Variants in PPP2R2C observed in about 807,000 individuals in gnomAD.
PPP2R2C encodes protein phosphatase 2 regulatory subunit Bgamma.
PPP2R2C carries 10 observed loss-of-function variants against 45.3 expected under a neutral mutation model. That is an observed-to-expected ratio of 0.22 (90% CI 0.14 to 0.37). The LOEUF (loss-of-function observed/expected upper bound fraction) is 0.37, where lower values mean the gene tolerates loss of function less well. Among genes scored for constraint, PPP2R2C ranks in the 10% least tolerant of loss-of-function variants. The pLI, the probability that PPP2R2C is intolerant of heterozygous loss-of-function variation, is 1.00. For missense variants in PPP2R2C, 308 were observed against 619.7 expected (o/e 0.50, Z 5.34); for synonymous variants, 257 against 245.4 (o/e 1.05, Z -0.44).
intron 2 of PPP2R2C, among the ~76,000 whole-genome samples, chr4:6,523,837 G>A (rs146048667): frequency 3.3e-5 from 5 of 152,172 alleles, no homozygotes; most frequent in African/African-American, 7.2e-5. Flanking sequence ...ATCCACAGAC[G>A]AATGGATAAG....
At chr4:6,383,381 T>C (rs1317920122) in intron 1 of PPP2R2C, 2 of 1,289,728 alleles carry the variant, frequency 1.6e-6, no homozygotes. Flanking sequence ...TCTCGTGTTT[T>C]TAACTCAGCA....
intron 2 of PPP2R2C, among the ~76,000 whole-genome samples, chr4:6,480,597 T>C (rs1722317395): frequency 6.6e-6 from 1 of 152,236 alleles, no homozygotes; most frequent in Non-Finnish European, 1.5e-5. Flanking sequence ...CTAACCTTTT[T>C]GGATTTCAAA....
chr4:6,527,025 T>C (rs1407841955), intron 2 of PPP2R2C, among the ~76,000 whole-genome samples: 2 of 152,112 alleles, frequency 1.3e-5, no homozygotes, highest in Admixed American at 6.5e-5. Flanking sequence ...ACGGCTTCAA[T>C]GCGGAGGAGA....
chr4:6,502,402 G>A (rs1206120471), intron 2 of PPP2R2C, among the ~76,000 whole-genome samples: 2 of 152,110 alleles, frequency 1.3e-5, no homozygotes, highest in Non-Finnish European at 2.9e-5. Flanking sequence ...CAGGCAGGGT[G>A]TCTGAAGGAT....
In PPP2R2C at chr4:6,471,232, C is replaced by A. The variant is rs955419669; in HGVS notation, c.70+928G>T. Among the ~76,000 whole-genome samples, 1 of 152,234 alleles carries A rather than the reference C, an allele frequency of 6.6e-6. No homozygotes were observed. The highest frequency in any genetic ancestry group is 6.5e-5 in the Admixed American group (1 of 15,294). ...AGCCCGTGGGTTAGCGGCTGACAGT[C>A]CCCGCACTCGGGCAGGGCTCCAGCA... On this transcript the variant is annotated intron_variant, in intron 1 of 8. Coordinates refer to ENST00000382599, the MANE Select transcript of PPP2R2C (RefSeq NM_020416.4). The surrounding 1 kb of genome is among the most constrained non-coding windows in gnomAD (Gnocchi z 5.6).
intron 5 of PPP2R2C, chr4:6,350,080 G>C (rs1712401145): frequency 7.1e-6 from 7 of 985,328 alleles, no homozygotes; most frequent in Non-Finnish European, 8.4e-6. Context: ...AGAAAGAGAG[G>C]GAAAAATGAG....
At chr4:6,559,275 C>T (rs1330559505) in intron 1 of PPP2R2C, among the ~76,000 whole-genome samples, 9 of 151,978 alleles carry the variant, frequency 5.9e-5, no homozygotes, top group South Asian at 2.1e-4. Context: ...GCAGTGGGCA[C>T]GTCCACACCC....
At chr4:6,502,599 C>T (rs1414098958) in intron 2 of PPP2R2C, among the ~76,000 whole-genome samples, 1 of 151,908 alleles carries the variant, frequency 6.6e-6, no homozygotes, top group Non-Finnish European at 1.5e-5. Flanking sequence ...CCACACATGC[C>T]ACACCCAACC....
upstream of PPP2R2C, among the ~76,000 whole-genome samples, chr4:6,472,692 T>C (rs1721982524): frequency 6.6e-6 from 1 of 151,230 alleles, no homozygotes; most frequent in African/African-American, 2.4e-5. Context: ...CCCGCGGCCC[T>C]GCAGGTGGAG....
intron 1 of PPP2R2C, among the ~76,000 whole-genome samples, chr4:6,542,483 C>T (rs1009172390): frequency 2.0e-5 from 3 of 152,096 alleles, no homozygotes; most frequent in Admixed American, 6.5e-5. Context: ...CACCTGAAGT[C>T]AGGAGTTCAA....
chr4:6,527,137 T>TC (rs386399159), intron 2 of PPP2R2C, among the ~76,000 whole-genome samples: 1 of 151,948 alleles, frequency 6.6e-6, no homozygotes, highest in Non-Finnish European at 1.5e-5. Context: ...TCAGTTTTTT[T>TC]ATCTGTGCCA....
chr4:6,354,322 C>T (rs1445621287), intron 5 of PPP2R2C, among the ~76,000 whole-genome samples: 1 of 152,082 alleles, frequency 6.6e-6, no homozygotes, highest in African/African-American at 2.4e-5. Context: ...ACCCGCCAGC[C>T]ATATCCAGCA....
At position 6,472,225 on chromosome 4, in the gene PPP2R2C, C is replaced by G. The variant is rs768280067; in HGVS notation, c.5G>C (p.Gly2Ala). Residue 2 changes from glycine (G) to alanine (A), a missense_variant, in exon 1 of 9, where the codon GGC (glycine) becomes GCC (alanine). By Grantham distance (60) the Gly-to-Ala change is moderately conservative. Coordinates refer to ENST00000382599, the MANE Select transcript of PPP2R2C (RefSeq NM_020416.4). M[G>A]EDTDTRKINH... ...AATTTTCCGCGTGTCCGTGTCCTCG[C>G]CCATTGAAGGCCGTGCCCGGTGCTC... 2 of 1,613,008 alleles carry G rather than the reference C, an allele frequency of 1.2e-6. No individual in the cohort carries two copies. Among genetic ancestry groups the G allele is most frequent in the Non-Finnish European group, 1.7e-6 (2 of 1,179,258 alleles).
intron 1 of PPP2R2C, among the ~76,000 whole-genome samples, chr4:6,426,213 G>A (rs536464681): frequency 3.5e-4 from 53 of 152,346 alleles, no homozygotes; most frequent in African/African-American, 1.2e-3. Context: ...GCCACAGCCT[G>A]CCTCCATCCT....
intron 6 of PPP2R2C, among the ~76,000 whole-genome samples, chr4:6,337,108 G>GTATGTATATA (rs1245832072): frequency 3.0e-5 from 1 of 33,204 alleles, no homozygotes; most frequent in African/African-American, 7.8e-5. Context: ...CTGTATGTGT[G>GTATGTATATA]TGTGTATATA....
intron 2 of PPP2R2C, among the ~76,000 whole-genome samples, chr4:6,517,367 G>C (rs1723857259): frequency 6.6e-6 from 1 of 152,192 alleles, no homozygotes; most frequent in African/African-American, 2.4e-5. Flanking sequence ...GTAGCTAGGA[G>C]AGCCCAGGCA....
At chr4:6,546,047 C>T (rs1013871406) in intron 1 of PPP2R2C, among the ~76,000 whole-genome samples, 4 of 152,168 alleles carry the variant, frequency 2.6e-5, no homozygotes, top group South Asian at 4.1e-4. Flanking sequence ...AGAATCAACA[C>T]GTGGCTAAAC....
chr4:6,515,904 G>A (rs1723816304), intron 2 of PPP2R2C, among the ~76,000 whole-genome samples: 1 of 152,180 alleles, frequency 6.6e-6, no homozygotes, highest in Non-Finnish European at 1.5e-5. Flanking sequence ...AATGGTTGGT[G>A]CTCCTTGGCC....
chr4:6,547,454 C>T (rs1360316368), intron 1 of PPP2R2C, among the ~76,000 whole-genome samples: 4 of 149,878 alleles, frequency 2.7e-5, no homozygotes, highest in Admixed American at 1.3e-4. Flanking sequence ...CTCCAGTACC[C>T]GTGGGAACAC....
Sources: gnomAD v4.1 joint callset for allele counts (sites outside exome capture counted in the v4.1 genomes callset) on GRCh38, gnomAD v4.1.1 for gene constraint, Gnocchi (gnomAD v3.1) non-coding constraint, MANE v1.5 for transcripts, NCBI Gene and HGNC (gene_info 2026-07-23, HGNC 2026-07-21) for gene names.